Variants in RPTOR observed in about 807,000 individuals in gnomAD.
The protein encoded by RPTOR is regulatory-associated protein of mTOR.
In RPTOR, 21 loss-of-function variants were observed where a neutral mutation model predicts 169.9. That is an observed-to-expected ratio of 0.12 (90% CI 0.09 to 0.18). RPTOR has a LOEUF of 0.18. Among genes scored for constraint, RPTOR ranks in the 10% least tolerant of loss-of-function variants. RPTOR has a pLI of 1.00. For missense variants in RPTOR, 1,133 were observed against 1,855.9 expected, an observed-to-expected ratio of 0.61 and a Z score of 7.16; for synonymous variants, 732 against 753.2, an observed-to-expected ratio of 0.97 and a Z score of 0.46.
At chr17:80,897,575 T>G (rs1359079085) in intron 20 of RPTOR, among the ~76,000 whole-genome samples, 1 of 152,240 alleles carries the variant, frequency 6.6e-6, no homozygotes, top group Non-Finnish European at 1.5e-5. Flanking sequence ...TCCTTGCATT[T>G]CTGGGGGCAC....
chr17:80,912,752 T>C (rs1305004015), intron 21 of RPTOR, among the ~76,000 whole-genome samples: 2 of 152,182 alleles, frequency 1.3e-5, no homozygotes, highest in Non-Finnish European at 1.5e-5. Context: ...CTGCCTTTCA[T>C]GTTAGCAGGT....
At chr17:80,569,290 T>C (rs1054711931) in intron 1 of RPTOR, among the ~76,000 whole-genome samples, 4 of 152,320 alleles carry the variant, frequency 2.6e-5, no homozygotes, top group African/African-American at 9.6e-5. Flanking sequence ...TAAACAGTGT[T>C]GAGTTTTGTT....
chr17:80,814,927 G>T (rs1467790018), intron 7 of RPTOR, among the ~76,000 whole-genome samples: 1 of 152,172 alleles, frequency 6.6e-6, no homozygotes, highest in South Asian at 2.1e-4. Context: ...GGCCGGACTT[G>T]AGCCAAATGA....
chr17:80,685,381 C>T (rs1326929588), intron 3 of RPTOR, among the ~76,000 whole-genome samples: 1 of 151,638 alleles, frequency 6.6e-6, no homozygotes, highest in East Asian at 1.9e-4. Context: ...GTTCAAGTGA[C>T]CCTCCCACCT....
At chr17:80,618,314 T>A (rs1020989910) in intron 1 of RPTOR, among the ~76,000 whole-genome samples, 20 of 152,040 alleles carry the variant, frequency 1.3e-4, no homozygotes, top group African/African-American at 4.3e-4. Flanking sequence ...TATAATAAAC[T>A]TTTTTTCCCC....
At position 80,883,894 on chromosome 17, in the gene RPTOR, C is replaced by T. The variant is rs146893435; in HGVS notation, c.1764C>T (p.Phe588=). 103 of 1,613,644 alleles carry T rather than the reference C, an allele frequency of 6.4e-5. No homozygotes were observed. In the African/African-American group the frequency reaches 9.1e-4, roughly 14 times the overall value. The change falls in exon 16 of 34, where the codon TTC becomes TTT. Residue 588 remains phenylalanine, a synonymous_variant. Coordinates refer to ENST00000306801, the MANE Select transcript of RPTOR (RefSeq NM_020761.3). ...AICLGRIWQN[F]DSARWCGVRD... is the part of the protein sequence containing the mutation. ...GCCTCGGCAGGATCTGGCAGAACTT[C>T]GACTCGGCGAGGTGGTGCGGCGTGA...
intron 17 of RPTOR, among the ~76,000 whole-genome samples, chr17:80,886,122 G>A (rs749260182): frequency 1.3e-5 from 2 of 152,240 alleles, no homozygotes; most frequent in South Asian, 2.1e-4. Context: ...TGCTGGCTGT[G>A]TGTGGCTCCC....
chr17:80,689,733 G>A (rs968386317), intron 3 of RPTOR, among the ~76,000 whole-genome samples: 11 of 152,156 alleles, frequency 7.2e-5, no homozygotes, highest in East Asian at 1.9e-4. Context: ...TGTTTTACGC[G>A]TATGAAACAT....
At position 80,825,261 on chromosome 17, in the gene RPTOR, G is replaced by A. The variant is rs553915979; in HGVS notation, c.1136+2038G>A. ...ATCTAGAGGCCGCGTGGCGAGGCCA[G>A]CGTGGGGCAGCCACATCCCACCTCT... On this transcript the variant is annotated intron_variant, in intron 9 of 33. Coordinates refer to ENST00000306801, the MANE Select transcript of RPTOR (RefSeq NM_020761.3). Among the ~76,000 whole-genome samples the A allele has an allele frequency of 5.8e-4, 88 of 151,784 alleles. 1 individual carries two copies. The highest frequency in any genetic ancestry group is 2.0e-3 in the African/African-American group (81 of 41,268).
intron 13 of RPTOR, among the ~76,000 whole-genome samples, chr17:80,870,250 A>G (rs908949900): frequency 6.6e-6 from 1 of 152,218 alleles, no homozygotes; most frequent in African/African-American, 2.4e-5. Context: ...TTCATGAAGT[A>G]AATCCAGATT....
rs1409225373 is a variant in RPTOR, at chr17:80,634,842, CGTGTGTGTGCATACCGT to C, written c.266-8871_266-8855del. ...GTGCATACTGTGTGTGTGTGCATAC[CGTGTGTGTGCATACCGT>C]GTGTGTGTGCATACTGTGTGCATAC... On this transcript the variant is annotated intron_variant, in intron 2 of 33. Transcript: ENST00000306801. Among the ~76,000 whole-genome samples, 562 of 67,722 alleles carry C rather than the reference CGTGTGTGTGCATACCGT, an allele frequency of 8.3e-3. 17 individuals carry two copies. The highest frequency in any genetic ancestry group is 0.074 in the Admixed American group (533 of 7,184). The allele number at this position is 67,722 out of a possible 152,430, so 44.4% of individuals were successfully genotyped here.
chr17:80,945,650 T>C lies in RPTOR; in HGVS notation c.3026-17T>C. ...ATGCTGGCTCCTGGATCCACTCTTG[T>C]GTGTTTCTTTTGACAGGCATTACGA... On this transcript the variant is annotated splice_polypyrimidine_tract_variant and intron_variant, in intron 25 of 33. Coordinates refer to ENST00000306801, the MANE Select transcript of RPTOR (RefSeq NM_020761.3). The C allele has an allele frequency of 2.0e-6, 3 of 1,499,076 alleles. No individual in the cohort carries two copies. The highest frequency in any genetic ancestry group is 2.8e-6 in the Non-Finnish European group (3 of 1,081,256). The allele number at this position is 1,499,076 out of a possible 1,614,324, so 92.9% of individuals were successfully genotyped here.
chr17:80,564,448 G>A (rs1489333673), intron 1 of RPTOR, among the ~76,000 whole-genome samples: 2 of 152,072 alleles, frequency 1.3e-5, no homozygotes, highest in East Asian at 1.9e-4. Flanking sequence ...AGGAGATACC[G>A]CCACACCCTT....
chr17:80,958,203 C>CACCG (rs112549506), intron 29 of RPTOR, among the ~76,000 whole-genome samples: 1 of 134,282 alleles, frequency 7.4e-6, no homozygotes, highest in Non-Finnish European at 1.6e-5. Flanking sequence ...CCTCACCCCC[C>CACCG]CCCCCCACCA....
At chr17:80,732,940 AG>A (rs1298469971) in intron 5 of RPTOR, among the ~76,000 whole-genome samples, 1 of 152,254 alleles carries the variant, frequency 6.6e-6, no homozygotes, top group Non-Finnish European at 1.5e-5. Context: ...AGAAATTGAC[AG>A]GTGAATGATT....
chr17:80,561,956 A>C (rs1363622050), intron 1 of RPTOR, among the ~76,000 whole-genome samples: 1 of 152,052 alleles, frequency 6.6e-6, no homozygotes, highest in East Asian at 1.9e-4. Context: ...TTATGTCTGT[A>C]TGTATGTGTG....
chr17:80,804,916 C>G (rs1433061589), intron 7 of RPTOR: 1 of 152,232 alleles, frequency 6.6e-6, no homozygotes, highest in South Asian at 2.1e-4. Context: ...GAGGAGAGAC[C>G]GGTTATTTTG....
intron 21 of RPTOR, among the ~76,000 whole-genome samples, chr17:80,919,024 A>G (rs2068713823): frequency 6.6e-6 from 1 of 152,158 alleles, no homozygotes; most frequent in African/African-American, 2.4e-5. Flanking sequence ...TGGTGGGCTG[A>G]GACACCTCGG....
intron 31 of RPTOR, 156 bp downstream of exon 31, chr17:80,961,636 A>G (rs2069343053): frequency 2.3e-6 from 2 of 864,192 alleles, no homozygotes; most frequent in Non-Finnish European, 3.5e-6. Flanking sequence ...GATCAGGCGC[A>G]GCCCGTAGGG....
Sources: gnomAD v4.1 joint callset for allele counts (sites outside exome capture counted in the v4.1 genomes callset) on GRCh38, gnomAD v4.1.1 for gene constraint, MANE v1.5 for transcripts, NCBI Gene and HGNC (gene_info 2026-07-23, HGNC 2026-07-21) for gene names.